Variants in RBFOX1 observed in about 807,000 individuals in gnomAD.
RBFOX1 encodes the protein RNA binding fox-1 homolog 1.
A neutral mutation model predicts 57.7 loss-of-function variants in RBFOX1; 8 were observed. The ratio of observed to expected loss-of-function variants is 0.14; its 90% CI spans 0.08 to 0.25. RBFOX1 has a LOEUF of 0.25. Among genes scored for constraint, RBFOX1 ranks in the 10% least tolerant of loss-of-function variants. RBFOX1 has a pLI of 1.00. For missense variants in RBFOX1, 611 were observed against 548.5 expected (o/e 1.11, Z -1.14); for synonymous variants, 326 against 222.4 (o/e 1.47, Z -4.15).
At chr16:5,791,374 GAGTC>G (rs2054690127) in intron 3 of RBFOX1, among the ~76,000 whole-genome samples, 1 of 152,138 alleles carries the variant, frequency 6.6e-6, no homozygotes, top group African/African-American at 2.4e-5. Context: ...GACTCACCAG[GAGTC>G]ATTATTTTAA....
intron 3 of RBFOX1, among the ~76,000 whole-genome samples, chr16:6,946,804 A>G (rs1461061620): frequency 2.0e-5 from 3 of 152,158 alleles, no homozygotes; most frequent in Non-Finnish European, 2.9e-5. Context: ...ACAGGGTCTC[A>G]CTGTATTGCC....
At chr16:5,849,127 C>T (rs147141449) in intron 3 of RBFOX1, among the ~76,000 whole-genome samples, 5 of 152,158 alleles carry the variant, frequency 3.3e-5, no homozygotes, top group Non-Finnish European at 5.9e-5. Context: ...TCCATTGGAG[C>T]GTCGTTGGGG....
chr16:5,830,699 C>A (rs986162792), intron 3 of RBFOX1, among the ~76,000 whole-genome samples: 3 of 152,216 alleles, frequency 2.0e-5, no homozygotes, highest in Admixed American at 6.5e-5. Context: ...CTCTGCATCA[C>A]CACTGCCCTA....
chr16:7,668,277 G>C (rs1050681425), intron 13 of RBFOX1, among the ~76,000 whole-genome samples: 5 of 152,146 alleles, frequency 3.3e-5, no homozygotes, highest in Non-Finnish European at 5.9e-5. Context: ...AAAGACCTGC[G>C]TGATCCCTGT....
At chr16:7,204,436 G>C (rs1347657496) in intron 4 of RBFOX1, among the ~76,000 whole-genome samples, 1 of 152,162 alleles carries the variant, frequency 6.6e-6, no homozygotes, top group Non-Finnish European at 1.5e-5. Flanking sequence ...GAGCCCAGGA[G>C]TTTGAGACCA....
chr16:6,327,655 A>G (rs984124746), intron 2 of RBFOX1, among the ~76,000 whole-genome samples: 1 of 152,182 alleles, frequency 6.6e-6, no homozygotes, highest in Admixed American at 6.5e-5. Context: ...TAGAGAGGGA[A>G]TCTTGGTTAG....
At chr16:6,648,049 C>A (rs1025480880) in intron 2 of RBFOX1, among the ~76,000 whole-genome samples, 1 of 151,980 alleles carries the variant, frequency 6.6e-6, no homozygotes, top group Non-Finnish European at 1.5e-5. Flanking sequence ...CATTTTCTTG[C>A]CCAGACAGGT....
chr16:5,242,391 C>G (rs554832061), intron 1 of RBFOX1, among the ~76,000 whole-genome samples: 1 of 152,138 alleles, frequency 6.6e-6, no homozygotes, highest in Non-Finnish European at 1.5e-5. Flanking sequence ...GGCGGCCCCT[C>G]GAAAAGAGGG....
chr16:6,954,999 G>A (rs28602553), intron 3 of RBFOX1, among the ~76,000 whole-genome samples: 22,372 of 151,514 alleles, frequency 0.15, 1,957 homozygotes, highest in Non-Finnish European at 0.19. Flanking sequence ...GGGAGACTGA[G>A]GCAGGAGGAT....
At chr16:5,365,265 A>G (rs779981445) in intron 1 of RBFOX1, among the ~76,000 whole-genome samples, 1 of 152,118 alleles carries the variant, frequency 6.6e-6, no homozygotes, top group African/African-American at 2.4e-5. Context: ...ATGTTGATCA[A>G]CTTGGAGTGT....
chr16:5,921,912 G>A (rs1467162076), intron 4 of RBFOX1, among the ~76,000 whole-genome samples: 1 of 151,958 alleles, frequency 6.6e-6, no homozygotes, highest in Non-Finnish European at 1.5e-5. Context: ...AGCACTTTGG[G>A]AAGGCAAGGT....
At chr16:5,673,494 G>T (rs1257436029) in intron 3 of RBFOX1, among the ~76,000 whole-genome samples, 4 of 152,206 alleles carry the variant, frequency 2.6e-5, no homozygotes, top group African/African-American at 7.2e-5. Flanking sequence ...CCATTTCCAT[G>T]TTCAAGCCTC....
chr16:7,120,830 T>TATATATACACAC (rs1226442313), intron 4 of RBFOX1, among the ~76,000 whole-genome samples: 1 of 86,540 alleles, frequency 1.2e-5, no homozygotes, highest in Non-Finnish European at 2.6e-5. Context: ...TATGTATATA[T>TATATATACACAC]ACACACACAC....
chr16:6,828,805 A>C (rs1475835944), intron 3 of RBFOX1, among the ~76,000 whole-genome samples: 2 of 152,136 alleles, frequency 1.3e-5, no homozygotes, highest in African/African-American at 4.8e-5. Flanking sequence ...TGGTGTAAAA[A>C]TGGATGGCAT....
chr16:6,622,956 T>G (rs992301398), intron 2 of RBFOX1, among the ~76,000 whole-genome samples: 1 of 152,220 alleles, frequency 6.6e-6, no homozygotes, highest in Non-Finnish European at 1.5e-5. Context: ...CTTCTTACTT[T>G]AGACTCTTTG....
chr16:7,279,284 T>A (rs13331785), intron 4 of RBFOX1, among the ~76,000 whole-genome samples: 13,056 of 152,132 alleles, frequency 0.086, 944 homozygotes, highest in South Asian at 0.19. Context: ...AGTGGTACAG[T>A]GTCTCTTTGG....
chr16:6,502,503 T>C (rs62017761), intron 2 of RBFOX1, among the ~76,000 whole-genome samples: 3 of 151,996 alleles, frequency 2.0e-5, no homozygotes. Context: ...TCTACTATTT[T>C]AAGGATTGTA....
chr16:6,355,183 G>C (rs948624797), intron 2 of RBFOX1, among the ~76,000 whole-genome samples: 1 of 152,168 alleles, frequency 6.6e-6, no homozygotes, highest in Non-Finnish European at 1.5e-5. Context: ...TGTGCAGAAC[G>C]TGCAGTCTTG....
intron 2 of RBFOX1, among the ~76,000 whole-genome samples, chr16:6,528,826 C>A (rs962589337): frequency 6.6e-6 from 1 of 152,196 alleles, no homozygotes; most frequent in Non-Finnish European, 1.5e-5. Context: ...ACCCCACCTC[C>A]CATCCAAGGC....
Sources: gnomAD v4.1 joint callset for allele counts (sites outside exome capture counted in the v4.1 genomes callset) on GRCh38, gnomAD v4.1.1 for gene constraint, MANE v1.5 for transcripts, NCBI Gene and HGNC (gene_info 2026-07-23, HGNC 2026-07-21) for gene names.